Variants in ERBB4 observed in about 807,000 individuals in gnomAD.
ERBB4 encodes receptor tyrosine-protein kinase erbB-4.
A neutral mutation model predicts 158.0 loss-of-function variants in ERBB4; 42 were observed. That is an observed-to-expected ratio of 0.27 (90% CI 0.21 to 0.34). The LOEUF (loss-of-function observed/expected upper bound fraction) is 0.34, where lower values mean the gene tolerates loss of function less well. Among genes scored for constraint, ERBB4 ranks in the 10% least tolerant of loss-of-function variants. The pLI, the probability that ERBB4 is intolerant of heterozygous loss-of-function variation, is 1.00. For synonymous variants in ERBB4, 583 were observed against 558.7 expected (o/e 1.04, Z -0.61); for missense variants, 1,333 against 1,624.1 (o/e 0.82, Z 3.08).
chr2:211,834,301 G>A lies in ERBB4; in HGVS notation c.422-46142C>T, dbSNP rs556330499. Among the ~76,000 whole-genome samples, 8 of 152,192 alleles carry A rather than the reference G, an allele frequency of 5.3e-5. No homozygotes were observed. In the South Asian group the frequency reaches 8.3e-4, roughly 16 times the overall value. ...CAGGAGAATTCTAGTCCCCTGGAAA[G>A]GCAGGTGGCAAAGTCACTGCGACTG... On this transcript the variant is annotated intron_variant, in intron 3 of 27. Transcript: ENST00000342788.
At chr2:212,335,290 A>G (rs919680695) in intron 1 of ERBB4, among the ~76,000 whole-genome samples, 4 of 151,988 alleles carry the variant, frequency 2.6e-5, no homozygotes, top group Non-Finnish European at 5.9e-5. Context: ...CATAAGATTC[A>G]TCTTAACAAT....
rs1482114228 is a variant in ERBB4 at position 212,286,890 on chromosome 2, C to T, written c.83-161987G>A. 2.0e-5 allele frequency among the ~76,000 whole-genome samples: 3 copies of T among 148,848 alleles called. No individual in the cohort carries two copies. In the East Asian group the frequency reaches 6.0e-4, roughly 30 times the overall value. On this transcript the variant is annotated intron_variant, in intron 1 of 27. Coordinates refer to ENST00000342788, the MANE Select transcript of ERBB4 (RefSeq NM_005235.3). ...CCTCCCAAAGTACTGGGATTACGGG[C>T]GTGAGCCACCGTGCACAGCCAGTGA...
intron 14 of ERBB4, among the ~76,000 whole-genome samples, chr2:211,670,215 C>G (rs1019317914): frequency 6.6e-6 from 1 of 151,852 alleles, no homozygotes. Context: ...ACATGTGGGC[C>G]CAGAAACAGG....
intron 1 of ERBB4, among the ~76,000 whole-genome samples, chr2:212,460,811 T>G (rs1356315641): frequency 1.3e-5 from 2 of 150,934 alleles, no homozygotes; most frequent in African/African-American, 4.9e-5. Context: ...TAATGAGGAG[T>G]CGAATGTTAA....
In ERBB4 at chr2:211,381,451, T is replaced by G. The variant is rs2062572316; in HGVS notation, c.*2164A>C. 1 of 231,910 alleles carries G rather than the reference T, an allele frequency of 4.3e-6. No homozygotes were observed. The highest frequency in any genetic ancestry group is 8.5e-6 in the Non-Finnish European group (1 of 117,334). 14.4% of individuals were successfully genotyped at this position (231,910 alleles called of 1,614,324 possible). A position where few individuals can be genotyped will look rare whatever the true frequency, so the allele number is the denominator to read the frequency against. On this transcript the variant is annotated 3_prime_UTR_variant, in exon 28 of 28. Transcript: ENST00000342788. Reference sequence around the variant, plus strand: ...GTTTAACTTATATCCCAAATGAGTTTAAAGGAGATATCTTACAGTACAACT... The same window carrying G: ...GTTTAACTTATATCCCAAATGAGTTGAAAGGAGATATCTTACAGTACAACT...
At chr2:211,578,401 G>A (rs569404511) in intron 19 of ERBB4, among the ~76,000 whole-genome samples, 10 of 152,216 alleles carry the variant, frequency 6.6e-5, no homozygotes, top group African/African-American at 2.2e-4. Flanking sequence ...TAGATTCAAC[G>A]TTATTCCCAT....
At chr2:212,486,331 T>G (rs1266734720) in intron 1 of ERBB4, among the ~76,000 whole-genome samples, 1 of 147,740 alleles carries the variant, frequency 6.8e-6, no homozygotes, top group African/African-American at 2.5e-5. Context: ...TGCAAGATTT[T>G]TATTAGAACT....
chr2:212,302,248 T>G (rs1370472226), intron 1 of ERBB4, among the ~76,000 whole-genome samples: 1 of 151,492 alleles, frequency 6.6e-6, no homozygotes, highest in African/African-American at 2.4e-5. Context: ...ACACAGGAAA[T>G]TGAGAAAAGT....
At chr2:211,664,794 G>A (rs764526884) in intron 15 of ERBB4, among the ~76,000 whole-genome samples, 5 of 152,150 alleles carry the variant, frequency 3.3e-5, no homozygotes, top group Non-Finnish European at 7.3e-5. Flanking sequence ...TTCACAAAAT[G>A]TACTCATTTT....
At chr2:212,446,591 G>GTATGTATA (rs1303302858) in intron 1 of ERBB4, among the ~76,000 whole-genome samples, 6 of 27,516 alleles carry the variant, frequency 2.2e-4, no homozygotes, top group Admixed American at 6.0e-4. Context: ...ATATATATAT[G>GTATGTATA]TATATATATA....
At chr2:211,463,964 G>T (rs898524052) in intron 20 of ERBB4, among the ~76,000 whole-genome samples, 1 of 152,026 alleles carries the variant, frequency 6.6e-6, no homozygotes, top group African/African-American at 2.4e-5. Context: ...CAGAGATTTT[G>T]CATTTGTTCT....
intron 7 of ERBB4, among the ~76,000 whole-genome samples, chr2:211,721,873 C>T (rs1169854045): frequency 6.6e-6 from 1 of 151,864 alleles, no homozygotes; most frequent in Non-Finnish European, 1.5e-5. Flanking sequence ...GTTTGTTTGT[C>T]TGTTTTTGAG....
At chr2:212,499,338 T>A (rs767373849) in intron 1 of ERBB4, among the ~76,000 whole-genome samples, 2 of 152,092 alleles carry the variant, frequency 1.3e-5, no homozygotes, top group Non-Finnish European at 2.9e-5. Context: ...CTGTGAATCC[T>A]TTCTTGTTTC....
chr2:211,808,595 T>C (rs758904253), intron 3 of ERBB4, among the ~76,000 whole-genome samples: 3 of 152,218 alleles, frequency 2.0e-5, no homozygotes, highest in Non-Finnish European at 4.4e-5. Context: ...TGCTTAGGAT[T>C]GTCTTGGCAA....
chr2:212,331,893 T>C (rs781617777), intron 1 of ERBB4, among the ~76,000 whole-genome samples: 7 of 152,082 alleles, frequency 4.6e-5, no homozygotes, highest in Admixed American at 6.6e-5. Flanking sequence ...TAATTCAATA[T>C]TTAAGCAGAA....
At chr2:212,353,305 T>C (rs1165261907) in intron 1 of ERBB4, among the ~76,000 whole-genome samples, 1 of 151,248 alleles carries the variant, frequency 6.6e-6, no homozygotes, top group African/African-American at 2.4e-5. Context: ...CAAATTATTA[T>C]AAAAGATATA....
At chr2:211,679,220 A>T (rs749984120) in intron 12 of ERBB4, 36 bp from the exon 13 acceptor site, 1 of 1,610,806 alleles carries the variant, frequency 6.2e-7, no homozygotes, top group Non-Finnish European at 8.5e-7. Flanking sequence ...AATAAAACAG[A>T]GGATTGTGTC....
At chr2:212,111,464 T>C (rs1046227371) in intron 2 of ERBB4, among the ~76,000 whole-genome samples, 1 of 152,230 alleles carries the variant, frequency 6.6e-6, no homozygotes, top group East Asian at 1.9e-4. Flanking sequence ...TTTTCAGCCT[T>C]ATGTCCTAAC....
intron 2 of ERBB4, among the ~76,000 whole-genome samples, chr2:211,998,194 AT>A (rs1269071932): frequency 6.6e-6 from 1 of 151,996 alleles, no homozygotes; most frequent in African/African-American, 2.4e-5. Flanking sequence ...AATAAAAAAA[AT>A]GAAACCACCA....
Sources: allele counts gnomAD v4.1 joint callset (sites outside exome capture counted in the v4.1 genomes callset), GRCh38; gene constraint gnomAD v4.1.1; transcripts MANE v1.5; gene names NCBI Gene and HGNC (gene_info 2026-07-23, HGNC 2026-07-21).